Variants in SHOC2 observed in about 807,000 individuals in gnomAD.
SHOC2 encodes the protein leucine-rich repeat protein SHOC-2.
A neutral mutation model predicts 50.2 loss-of-function variants in SHOC2; 4 were observed. That is an observed-to-expected ratio of 0.08 (90% CI 0.04 to 0.18). The LOEUF (loss-of-function observed/expected upper bound fraction) is 0.18, where lower values mean the gene tolerates loss of function less well. Among genes scored for constraint, SHOC2 ranks in the 10% least tolerant of loss-of-function variants. The pLI is 1.00. For missense variants in SHOC2, 388 were observed against 669.6 expected, an observed-to-expected ratio of 0.58 and a Z score of 4.64; for synonymous variants, 218 against 244.5, an observed-to-expected ratio of 0.89 and a Z score of 1.01.
chr10:110,949,742 G>C (rs916298423), intron 1 of SHOC2, among the ~76,000 whole-genome samples: 2 of 152,216 alleles, frequency 1.3e-5, no homozygotes, highest in Admixed American at 6.5e-5. Flanking sequence ...CAGTGAGCAA[G>C]TGGGATTTAT....
intron 2 of SHOC2, among the ~76,000 whole-genome samples, chr10:110,976,140 C>T (rs1847875032): frequency 6.6e-6 from 1 of 151,958 alleles, no homozygotes; most frequent in African/African-American, 2.4e-5. Flanking sequence ...CAAATTCTGT[C>T]CTCAGGTGAT....
intron 1 of SHOC2, among the ~76,000 whole-genome samples, chr10:110,928,405 AG>A (rs1258893901): frequency 1.3e-5 from 2 of 152,320 alleles, no homozygotes; most frequent in Admixed American, 1.3e-4. Flanking sequence ...TATTAAAAAA[AG>A]TTCACTATTT....
chr10:110,939,412 G>T (rs189177053), intron 1 of SHOC2, among the ~76,000 whole-genome samples: 7 of 152,036 alleles, frequency 4.6e-5, no homozygotes, highest in African/African-American at 1.7e-4. Flanking sequence ...TAGAAATAGG[G>T]TTTCCTTATG....
rs1847780346 is a variant in SHOC2 at position 110,971,441 on chromosome 10, T to G, written c.703+6380T>G. On this transcript the variant is annotated intron_variant, in intron 2 of 8. Coordinates refer to ENST00000369452, the MANE Select transcript of SHOC2 (RefSeq NM_007373.4). ...TTGTTTTTATGCCAGTACTGTGCAT[T>G]TTGGTTACTCTAACTTTGTGTATAC... Among the ~76,000 whole-genome samples the G allele has an allele frequency of 4.6e-5, 7 of 152,140 alleles. No individual in the cohort carries two copies. In the South Asian group the frequency reaches 1.4e-3, roughly 31 times the overall value.
At chr10:110,944,033 C>T (rs575733591) in intron 1 of SHOC2, among the ~76,000 whole-genome samples, 5 of 152,302 alleles carry the variant, frequency 3.3e-5, no homozygotes, top group East Asian at 1.9e-4. Flanking sequence ...CTTTCTTGCT[C>T]GTCTCAAAGG....
intron 3 of SHOC2, among the ~76,000 whole-genome samples, chr10:110,991,770 C>A (rs1185494092): frequency 6.6e-6 from 1 of 152,184 alleles, no homozygotes; most frequent in Non-Finnish European, 1.5e-5. Context: ...GAGATTTTCA[C>A]TCTCATTTAT....
chr10:110,981,119 A>G (rs1460288305), intron 2 of SHOC2, among the ~76,000 whole-genome samples: 3 of 152,212 alleles, frequency 2.0e-5, no homozygotes, highest in South Asian at 2.1e-4. Context: ...GTGAATGGCC[A>G]TGAAGATCCA....
intron 1 of SHOC2, among the ~76,000 whole-genome samples, chr10:110,926,112 C>T (rs538956507): frequency 6.6e-6 from 1 of 152,136 alleles, no homozygotes; most frequent in Admixed American, 6.5e-5. Context: ...GGAGACCTTC[C>T]TTTCATCCCT....
intron 3 of SHOC2, among the ~76,000 whole-genome samples, chr10:110,990,076 C>CA (rs1482854721): frequency 1.3e-5 from 2 of 152,200 alleles, no homozygotes; most frequent in Non-Finnish European, 2.9e-5. Flanking sequence ...AAAGCACTTT[C>CA]AAAAAATGAC....
At chr10:110,967,524 G>C (rs939843608) in intron 2 of SHOC2, among the ~76,000 whole-genome samples, 1 of 152,066 alleles carries the variant, frequency 6.6e-6, no homozygotes, top group African/African-American at 2.4e-5. Context: ...ACAATTCAGT[G>C]GTTTTTAGAA....
chr10:110,926,563 C>T (rs150607856), intron 1 of SHOC2, among the ~76,000 whole-genome samples: 94 of 152,270 alleles, frequency 6.2e-4, no homozygotes, highest in African/African-American at 2.2e-3. Flanking sequence ...AGAAGAAAAA[C>T]TCGAAAAGCC....
Position 111,009,367 on chromosome 10 carries a change from A to T in SHOC2, c.1404A>T (p.Ala468=). 1.9e-6 allele frequency: 3 copies of T among 1,610,768 alleles called. No individual in the cohort carries two copies. Among genetic ancestry groups the T allele is most frequent in the Non-Finnish European group, 2.5e-6 (3 of 1,177,280 alleles). The change falls in exon 7 of 9, where the codon GCA becomes GCT. Residue 468 remains alanine, a synonymous_variant. Transcript: ENST00000369452. ...NKLESLPNEI[A]YLKDLQKLVL... ...TGGAATCCTTGCCAAATGAAATTGCATATCTTAAGGATTTACAGGTAAACA... is the reference window on the plus strand; with the variant it reads ...TGGAATCCTTGCCAAATGAAATTGCTTATCTTAAGGATTTACAGGTAAACA...
chr10:110,995,137 T>A (rs74156323), intron 3 of SHOC2, among the ~76,000 whole-genome samples: 8,846 of 152,270 alleles, frequency 0.058, 334 homozygotes, highest in African/African-American at 0.11. Flanking sequence ...ATGTTTTAGT[T>A]TCTGTAATTA....
At chr10:110,975,187 G>A (rs575513116) in intron 2 of SHOC2, among the ~76,000 whole-genome samples, 29 of 147,238 alleles carry the variant, frequency 2.0e-4, no homozygotes, top group African/African-American at 6.8e-4. Flanking sequence ...ATGGAGTCTC[G>A]CTCTGTCGCC....
At chr10:110,960,593 G>A (rs2134116155) in intron 1 of SHOC2, among the ~76,000 whole-genome samples, 1 of 152,264 alleles carries the variant, frequency 6.6e-6, no homozygotes, top group South Asian at 2.1e-4. Flanking sequence ...TTAGGAATTT[G>A]AAATTCAGAG....
At chr10:110,929,610 C>T (rs190000461) in intron 1 of SHOC2, among the ~76,000 whole-genome samples, 11 of 152,266 alleles carry the variant, frequency 7.2e-5, no homozygotes, top group Non-Finnish European at 1.3e-4. Flanking sequence ...CTGTTCAGGG[C>T]GAATGAAGAG....
chr10:110,924,543 C>G (rs771229622), intron 1 of SHOC2, among the ~76,000 whole-genome samples: 2 of 151,992 alleles, frequency 1.3e-5, no homozygotes, highest in Non-Finnish European at 2.9e-5. Context: ...TCGATTAAAG[C>G]TTGTATTATT....
chr10:111,012,569 G>T lies in SHOC2; in HGVS notation c.*751G>T, dbSNP rs1848586355. 6.6e-6 allele frequency: 1 copy of T among 152,148 alleles called. No homozygotes were observed. Among genetic ancestry groups the T allele is most frequent in the African/African-American group, 2.4e-5 (1 of 41,422 alleles). 9.4% of individuals were successfully genotyped at this position (152,148 alleles called of 1,614,324 possible). A position where few individuals can be genotyped will look rare whatever the true frequency, so the allele number is the denominator to read the frequency against. On this transcript the variant is annotated 3_prime_UTR_variant, in exon 9 of 9. Transcript: ENST00000369452. The stretch of plus-strand genomic sequence containing the variant: ...GGGAAGGGTATTGAGACCTTTTCTA[G>T]TATGAATATTTTTTAAGTTTGGGGG...
intron 2 of SHOC2, among the ~76,000 whole-genome samples, chr10:110,973,373 G>A (rs937785479): frequency 1.3e-5 from 2 of 152,022 alleles, no homozygotes; most frequent in Non-Finnish European, 2.9e-5. Context: ...ACCAATCTTT[G>A]ATTGCCTACT....
Sources: gnomAD v4.1 joint callset for allele counts (sites outside exome capture counted in the v4.1 genomes callset) on GRCh38, gnomAD v4.1.1 for gene constraint, MANE v1.5 for transcripts, NCBI Gene and HGNC (gene_info 2026-07-23, HGNC 2026-07-21) for gene names.